Variants in VAT1L observed in about 807,000 individuals in gnomAD.
VAT1L encodes vesicle amine transport 1 like, also known as putative NADPH-dependent quinone oxidoreductase VAT1L.
VAT1L carries 34 observed loss-of-function variants against 44.1 expected under a neutral mutation model. That is an observed-to-expected ratio of 0.77 (90% CI 0.59 to 1.03). VAT1L has a LOEUF of 1.03. Ranked by LOEUF, VAT1L falls within the 50% of genes least tolerant of loss-of-function variation. The probability of loss-of-function intolerance (pLI) is 0.00; values close to 1 mark genes in which losing one functional copy is unlikely to be tolerated. For synonymous variants in VAT1L, 253 were observed against 202.2 expected, an observed-to-expected ratio of 1.25 and a Z score of -2.13; for missense variants, 615 against 538.8, an observed-to-expected ratio of 1.14 and a Z score of -1.40.
chr16:77,817,071 G>T (rs755839571), intron 2 of VAT1L, 21 bp downstream of exon 2: 2 of 1,606,354 alleles, frequency 1.2e-6, no homozygotes, highest in Admixed American at 1.7e-5. Context: ...GCTCTCAATT[G>T]AAGAGTAATA....
At chr16:77,823,970 C>A (rs1281684894) in intron 2 of VAT1L, among the ~76,000 whole-genome samples, 6 of 152,136 alleles carry the variant, frequency 3.9e-5, no homozygotes, top group African/African-American at 1.4e-4. Flanking sequence ...TTGCATTGAG[C>A]TGAGATCGTG....
chr16:77,965,463 T>A (rs2018213171), intron 7 of VAT1L, among the ~76,000 whole-genome samples: 1 of 152,190 alleles, frequency 6.6e-6, no homozygotes, highest in African/African-American at 2.4e-5. Context: ...CCTTTGAGCT[T>A]AGAATGTTGG....
At chr16:77,961,228 G>A (rs1468305370) in intron 7 of VAT1L, among the ~76,000 whole-genome samples, 2 of 152,164 alleles carry the variant, frequency 1.3e-5, no homozygotes, top group African/African-American at 4.8e-5. Flanking sequence ...AAAAAATTTG[G>A]AGACAGGAGT....
chr16:77,895,978 G>A (rs1228439982), intron 7 of VAT1L, among the ~76,000 whole-genome samples: 2 of 152,212 alleles, frequency 1.3e-5, no homozygotes, highest in African/African-American at 4.8e-5. Context: ...CAAAGGCCTG[G>A]AAGTTGGAGA....
At chr16:77,893,023 G>C in intron 7 of VAT1L, 1 of 575,482 alleles carries the variant, frequency 1.7e-6, no homozygotes, top group South Asian at 2.1e-5. Flanking sequence ...TTGTGCGCTC[G>C]CTGCAGTTCC....
chr16:77,911,065 C>A (rs2017494970), intron 7 of VAT1L, among the ~76,000 whole-genome samples: 1 of 152,236 alleles, frequency 6.6e-6, no homozygotes, highest in Non-Finnish European at 1.5e-5. Context: ...TATCATCCCA[C>A]AGGCAGGGAC....
chr16:77,794,639 C>T (rs2015895668), intron 1 of VAT1L, among the ~76,000 whole-genome samples: 1 of 152,202 alleles, frequency 6.6e-6, no homozygotes, highest in South Asian at 2.1e-4. Context: ...AAACAAGTGG[C>T]ATCCATGAGG....
chr16:77,798,970 C>T (rs1354501952), intron 1 of VAT1L, among the ~76,000 whole-genome samples: 1 of 152,062 alleles, frequency 6.6e-6, no homozygotes, highest in Non-Finnish European at 1.5e-5. Flanking sequence ...CCCCTTCCAT[C>T]TTTCATCCTC....
chr16:77,875,975 T>C (rs965090183), intron 4 of VAT1L, among the ~76,000 whole-genome samples: 9 of 152,128 alleles, frequency 5.9e-5, no homozygotes, highest in African/African-American at 2.2e-4. Flanking sequence ...AGGAGTTGCC[T>C]GAGCCTCCCC....
In VAT1L at chr16:77,831,662, A is replaced by G. The variant is rs572939049; in HGVS notation, c.579+6201A>G. Among the ~76,000 whole-genome samples the G allele has an allele frequency of 4.6e-5, 7 of 152,316 alleles. No individual in the cohort carries two copies. The South Asian group carries it at 1.5e-3, about 32-fold the overall frequency. ...AGACTGAGAAACCATCACAGATGAG[A>G]AGAGACAAAGGAGCTATGAGAAATA... On this transcript the variant is annotated intron_variant, in intron 3 of 8. Coordinates refer to ENST00000302536, the MANE Select transcript of VAT1L (RefSeq NM_020927.3).
intron 3 of VAT1L, among the ~76,000 whole-genome samples, chr16:77,831,288 G>C (rs748863351): frequency 6.6e-6 from 1 of 152,174 alleles, no homozygotes; most frequent in Non-Finnish European, 1.5e-5. Context: ...TTGACATATA[G>C]TCTATAAATG....
chr16:77,822,851 C>G (rs1469626469), intron 2 of VAT1L, among the ~76,000 whole-genome samples: 1 of 152,168 alleles, frequency 6.6e-6, no homozygotes, highest in Non-Finnish European at 1.5e-5. Flanking sequence ...CAATTTGATT[C>G]TGTGGTTCAG....
intron 7 of VAT1L, among the ~76,000 whole-genome samples, chr16:77,942,068 G>C (rs891009980): frequency 2.6e-5 from 4 of 152,232 alleles, no homozygotes; most frequent in East Asian, 1.9e-4. Flanking sequence ...CTAATGATTA[G>C]TGTATTAGTC....
chr16:77,805,873 T>A lies in VAT1L; in HGVS notation c.234-11048T>A, dbSNP rs575990030. Among the ~76,000 whole-genome samples, 69 of 130,938 alleles carry A rather than the reference T, an allele frequency of 5.3e-4. 2 individuals carry two copies. Among genetic ancestry groups the A allele is most frequent in the African/African-American group, 1.6e-3 (62 of 38,654 alleles). 85.9% of individuals were successfully genotyped at this position (130,938 alleles called of 152,430 possible). A position where few individuals can be genotyped will look rare whatever the true frequency, so the allele number is the denominator to read the frequency against. ...TTTTCCTTAGTCTCTGCCTTTTTTT[T>A]TTTTTTTGAGATGGAGTCTTGCCCT... On this transcript the variant is annotated intron_variant, in intron 1 of 8. Transcript: ENST00000302536.
intron 7 of VAT1L, among the ~76,000 whole-genome samples, chr16:77,887,918 C>G (rs908483948): frequency 2.0e-5 from 3 of 152,162 alleles, no homozygotes; most frequent in Non-Finnish European, 4.4e-5. Flanking sequence ...GTCTGTAAGG[C>G]CCTGCACTGT....
intron 1 of VAT1L, among the ~76,000 whole-genome samples, chr16:77,803,417 CTT>C (rs11379202): frequency 1.0e-4 from 11 of 105,494 alleles, no homozygotes; most frequent in East Asian, 5.6e-4. Flanking sequence ...ACTAGACATT[CTT>C]TTTTTTTTTT....
chr16:77,815,487 T>C (rs1343867878), intron 1 of VAT1L, among the ~76,000 whole-genome samples: 2 of 152,132 alleles, frequency 1.3e-5, no homozygotes, highest in Admixed American at 6.5e-5. Context: ...ACTTCTCTAA[T>C]TTGTGGTTGG....
chr16:77,894,892 CCTTA>C (rs2017305912), intron 7 of VAT1L, among the ~76,000 whole-genome samples: 1 of 152,032 alleles, frequency 6.6e-6, no homozygotes, highest in Admixed American at 6.6e-5. Context: ...TGGCCTCAAT[CCTTA>C]TTAATATCCT....
At chr16:77,913,654 C>T (rs1357191547) in intron 7 of VAT1L, among the ~76,000 whole-genome samples, 1 of 152,250 alleles carries the variant, frequency 6.6e-6, no homozygotes, top group Admixed American at 6.5e-5. Context: ...GGACTCCACT[C>T]TGGGACATGT....
Sources: gnomAD v4.1 joint callset for allele counts (sites outside exome capture counted in the v4.1 genomes callset) on GRCh38, gnomAD v4.1.1 for gene constraint, MANE v1.5 for transcripts, NCBI Gene and HGNC (gene_info 2026-07-23, HGNC 2026-07-21) for gene names.